PTPRD: variants seen among roughly 807,000 people sequenced by gnomAD.
PTPRD encodes the protein protein tyrosine phosphatase receptor type D.
A neutral mutation model predicts 214.5 loss-of-function variants in PTPRD; 34 were observed. That is an observed-to-expected ratio of 0.16 (90% confidence interval 0.12 to 0.21). The LOEUF is 0.21. PTPRD is among the 10% of genes least tolerant of loss of function. PTPRD has a pLI of 1.00. For synonymous variants in PTPRD, 1,128 were observed against 845.7 expected (o/e 1.33, Z -5.79); for missense variants, 2,545 against 2,398.7 (o/e 1.06, Z -1.27).
chr9:10,083,395 T>A (rs1361653598), intron 3 of PTPRD, among the ~76,000 whole-genome samples: 1 of 152,008 alleles, frequency 6.6e-6, no homozygotes, highest in East Asian at 1.9e-4. Flanking sequence ...TGTGGCTGTA[T>A]GAAAAGGGCA....
At chr9:8,562,650 T>C (rs2086863360) in intron 14 of PTPRD, among the ~76,000 whole-genome samples, 1 of 152,068 alleles carries the variant, frequency 6.6e-6, no homozygotes, top group South Asian at 2.1e-4. Context: ...TTGCCCAGGC[T>C]GGTTTCAAAC....
intron 14 of PTPRD, among the ~76,000 whole-genome samples, chr9:8,615,048 T>C (rs1360102579): frequency 6.6e-6 from 1 of 152,154 alleles, no homozygotes; most frequent in Non-Finnish European, 1.5e-5. Context: ...TTTAGCTGTC[T>C]CTTTCACTGC....
At chr9:8,888,326 T>A (rs954729419) in intron 11 of PTPRD, among the ~76,000 whole-genome samples, 28 of 152,192 alleles carry the variant, frequency 1.8e-4, no homozygotes, top group African/African-American at 6.5e-4. Context: ...TGCTTTTACA[T>A]TTATTATATA....
intron 8 of PTPRD, among the ~76,000 whole-genome samples, chr9:9,457,962 G>A (rs1418125892): frequency 1.3e-5 from 2 of 150,744 alleles, no homozygotes; most frequent in East Asian, 3.9e-4. Flanking sequence ...ATGCAATTTT[G>A]AAGTAGAAAA....
chr9:8,507,945 A>C (rs964685799), intron 21 of PTPRD, among the ~76,000 whole-genome samples: 3 of 152,184 alleles, frequency 2.0e-5, no homozygotes, highest in Admixed American at 2.0e-4. Context: ...AGAATCACTC[A>C]GCATTTTTTC....
At chr9:10,135,799 C>G (rs1459829432) in intron 3 of PTPRD, among the ~76,000 whole-genome samples, 1 of 151,846 alleles carries the variant, frequency 6.6e-6, no homozygotes, top group African/African-American at 2.4e-5. Context: ...TTCAGGCAGA[C>G]ACTATAAAGC....
chr9:8,420,845 G>A (rs1437929805), intron 35 of PTPRD, among the ~76,000 whole-genome samples: 2 of 150,200 alleles, frequency 1.3e-5, no homozygotes, highest in Non-Finnish European at 3.0e-5. Flanking sequence ...AAGACACTGA[G>A]AGCGTAGGAA....
At chr9:8,666,053 T>G (rs563922218) in intron 12 of PTPRD, among the ~76,000 whole-genome samples, 1 of 151,088 alleles carries the variant, frequency 6.6e-6, no homozygotes, top group Admixed American at 6.6e-5. Context: ...TTTTTTTTTC[T>G]GAATGAAAAT....
At chr9:10,308,837 T>G (rs2096175899) in intron 3 of PTPRD, among the ~76,000 whole-genome samples, 2 of 152,072 alleles carry the variant, frequency 1.3e-5, no homozygotes, top group Admixed American at 1.3e-4. Context: ...CACAGAAATA[T>G]CAGAATTGTG....
rs556989944 is a variant in PTPRD at position 9,574,492 on chromosome 9, G to A, written c.-237+240C>T. Among the ~76,000 whole-genome samples, 173 of 151,982 alleles carry A rather than the reference G, an allele frequency of 1.1e-3. 2 individuals are homozygous for A. The highest frequency in any genetic ancestry group is 2.0e-3 in the Non-Finnish European group (135 of 67,886). ...TTCAGTGGTATCAATCTTTACCTTTGCGGGACATGCCTTAAAATTTACATA... is the reference window on the plus strand; with the variant it reads ...TTCAGTGGTATCAATCTTTACCTTTACGGGACATGCCTTAAAATTTACATA... On this transcript the variant is annotated intron_variant, in intron 8 of 45. Coordinates refer to ENST00000381196, the MANE Select transcript of PTPRD (RefSeq NM_002839.4).
chr9:10,476,285 G>A (rs924625968), intron 2 of PTPRD, among the ~76,000 whole-genome samples: 1 of 152,114 alleles, frequency 6.6e-6, no homozygotes, highest in African/African-American at 2.4e-5. Flanking sequence ...CTTCAGCAAA[G>A]TCTCAGGACA....
At chr9:9,523,074 T>A (rs940347613) in intron 8 of PTPRD, among the ~76,000 whole-genome samples, 1 of 152,144 alleles carries the variant, frequency 6.6e-6, no homozygotes, top group Admixed American at 6.5e-5. Context: ...GTTAAAAACA[T>A]ACAAATGCTT....
chr9:10,137,798 T>A (rs908148052), intron 3 of PTPRD, among the ~76,000 whole-genome samples: 8 of 150,780 alleles, frequency 5.3e-5, no homozygotes, highest in Non-Finnish European at 1.0e-4. Flanking sequence ...GGCTTTTTGG[T>A]AAACAACAAA....
intron 13 of PTPRD, among the ~76,000 whole-genome samples, chr9:8,635,028 T>C (rs1180324432): frequency 2.7e-5 from 4 of 148,692 alleles, no homozygotes; most frequent in Non-Finnish European, 5.9e-5. Context: ...AGACTAGTAA[T>C]ACCATATATA....
intron 3 of PTPRD, among the ~76,000 whole-genome samples, chr9:10,205,401 A>G (rs1365305477): frequency 6.7e-6 from 1 of 150,118 alleles, no homozygotes; most frequent in Non-Finnish European, 1.5e-5. Flanking sequence ...ATTTTATTTT[A>G]TTTTATTTTA....
intron 4 of PTPRD, among the ~76,000 whole-genome samples, chr9:9,989,016 C>CAAAAAAAAAAAAAAAAAAAA (rs397836899): frequency 1.4e-4 from 5 of 36,288 alleles, no homozygotes; most frequent in African/African-American, 2.3e-4. Flanking sequence ...TTTCACTGAC[C>CAAAAAAAAAAAAAAAAAAAA]AAAAAAAAAA....
At chr9:9,065,896 G>A (rs2099729859) in intron 10 of PTPRD, among the ~76,000 whole-genome samples, 1 of 152,042 alleles carries the variant, frequency 6.6e-6, no homozygotes, top group African/African-American at 2.4e-5. Flanking sequence ...TGCTAAATGG[G>A]TTTAAATACA....
intron 4 of PTPRD, among the ~76,000 whole-genome samples, chr9:9,989,261 C>A (rs568703801): frequency 6.6e-6 from 1 of 152,020 alleles, no homozygotes; most frequent in Non-Finnish European, 1.5e-5. Context: ...TCTGGACCCA[C>A]GGCCTTAAAT....
At chr9:10,609,979 A>T (rs534960948) in intron 2 of PTPRD, among the ~76,000 whole-genome samples, 20 of 152,254 alleles carry the variant, frequency 1.3e-4, no homozygotes, top group South Asian at 1.0e-3. Context: ...CCCTTTAGTA[A>T]GCACATGTAA....
Sources: allele counts gnomAD v4.1 joint callset (sites outside exome capture counted in the v4.1 genomes callset), GRCh38; gene constraint gnomAD v4.1.1; transcripts MANE v1.5; gene names NCBI Gene and HGNC (gene_info 2026-07-23, HGNC 2026-07-21).